The following XCR1 variants were observed in gnomAD, a reference collection of about 807,000 sequenced individuals.
The protein encoded by XCR1 is chemokine XC receptor 1.
For missense variants in XCR1, 356 were observed against 424.2 expected, an observed-to-expected ratio of 0.84 and a Z score of 1.41; for synonymous variants, 187 against 188.5, an observed-to-expected ratio of 0.99 and a Z score of 0.06.
intron 5 of XCR1, among the ~76,000 whole-genome samples, chr3:46,052,711 C>T (rs182194273): frequency 1.3e-5 from 2 of 152,326 alleles, no homozygotes; most frequent in East Asian, 3.9e-4. Context: ...TCTTTGTACA[C>T]CTCACCGGTG....
intron 5 of XCR1, among the ~76,000 whole-genome samples, chr3:46,043,983 G>T (rs562720392): frequency 1.1e-4 from 16 of 151,318 alleles, no homozygotes; most frequent in African/African-American, 2.4e-4. Context: ...CCCCATTGTG[G>T]TTTTTTTTGT....
At chr3:46,039,807 A>G (rs1004176154) in intron 5 of XCR1, among the ~76,000 whole-genome samples, 1 of 152,204 alleles carries the variant, frequency 6.6e-6, no homozygotes, top group Admixed American at 6.5e-5. Context: ...TAAGATTAGT[A>G]TAGAGTTTTT....
intron 4 of XCR1, among the ~76,000 whole-genome samples, chr3:46,054,545 A>ATG (rs1336293522): frequency 1.5e-5 from 2 of 137,926 alleles, no homozygotes; most frequent in African/African-American, 7.1e-5. Context: ...ACTCAAAAGG[A>ATG]CGAGGGGGGG....
intron 1 of XCR1, among the ~76,000 whole-genome samples, chr3:46,077,432 A>G (rs1205379823): frequency 6.6e-6 from 1 of 151,756 alleles, no homozygotes; most frequent in African/African-American, 2.4e-5. Flanking sequence ...AGATGGGACC[A>G]TCTAGTTGCA....
At chr3:46,067,967 A>T (rs1358094961) in intron 3 of XCR1, among the ~76,000 whole-genome samples, 1 of 152,224 alleles carries the variant, frequency 6.6e-6, no homozygotes, top group Non-Finnish European at 1.5e-5. Context: ...GTTAAGCTAT[A>T]GAATTTGAAA....
chr3:46,044,452 G>GT (rs1428907587), intron 5 of XCR1, among the ~76,000 whole-genome samples: 23 of 151,888 alleles, frequency 1.5e-4, no homozygotes, highest in Non-Finnish European at 1.0e-4. Context: ...AGTTGTAGCA[G>GT]TTTTTTTAAT....
At chr3:46,032,990 G>T (rs1300753356) in intron 5 of XCR1, among the ~76,000 whole-genome samples, 1 of 152,074 alleles carries the variant, frequency 6.6e-6, no homozygotes, top group Non-Finnish European at 1.5e-5. Flanking sequence ...TCTTATCATT[G>T]AGTTCTAAGA....
At chr3:46,050,403 G>A (rs756664564) in intron 5 of XCR1, among the ~76,000 whole-genome samples, 12 of 152,104 alleles carry the variant, frequency 7.9e-5, no homozygotes, top group African/African-American at 1.9e-4. Flanking sequence ...TTCTGAAGCC[G>A]TACACTCCTC....
intron 4 of XCR1, among the ~76,000 whole-genome samples, chr3:46,057,484 G>C (rs4683172): frequency 1.3e-5 from 2 of 152,020 alleles, no homozygotes; most frequent in African/African-American, 4.8e-5. Flanking sequence ...ACTTTAAATA[G>C]GTGCAGTTTA....
At chr3:46,052,204 AACT>A (rs1450845169) in intron 5 of XCR1, among the ~76,000 whole-genome samples, 1 of 152,042 alleles carries the variant, frequency 6.6e-6, no homozygotes, top group Non-Finnish European at 1.5e-5. Context: ...TGTCTCCCCC[AACT>A]AATGTAACCC....
chr3:46,048,640 A>T (rs1266145251), intron 5 of XCR1, among the ~76,000 whole-genome samples: 1 of 152,172 alleles, frequency 6.6e-6, no homozygotes, highest in Non-Finnish European at 1.5e-5. Flanking sequence ...AAACACAAGC[A>T]TATCCTCTTC....
intron 4 of XCR1, among the ~76,000 whole-genome samples, chr3:46,060,610 T>G (rs1228637564): frequency 6.6e-6 from 1 of 152,120 alleles, no homozygotes; most frequent in East Asian, 1.9e-4. Flanking sequence ...CCTTTGTAAC[T>G]AAGACCTGTA....
intron 5 of XCR1, among the ~76,000 whole-genome samples, chr3:46,044,453 T>C (rs79244570): frequency 1.3e-5 from 2 of 152,168 alleles, no homozygotes; most frequent in Non-Finnish European, 2.9e-5. Context: ...GTTGTAGCAG[T>C]TTTTTTAATA....
intron 3 of XCR1, among the ~76,000 whole-genome samples, chr3:46,072,766 C>T (rs1378090810): frequency 6.6e-6 from 1 of 152,044 alleles, no homozygotes; most frequent in East Asian, 1.9e-4. Flanking sequence ...GAATTAGAAA[C>T]AAATTCTAAA....
At position 46,049,139 on chromosome 3, in the gene XCR1, T is replaced by C. The variant is rs140023503; in HGVS notation, c.-32+4781A>G. Among the ~76,000 whole-genome samples, 708 of 152,292 alleles carry C rather than the reference T, an allele frequency of 4.6e-3. 2 individuals carry two copies. Among genetic ancestry groups the C allele is most frequent in the Non-Finnish European group, 8.1e-3 (550 of 68,012 alleles). ...ATGAAAATAAGTGTCTATAGTCACATGAACATAGCTTACCAAAGGTTGCTG... is the reference window on the plus strand; with the variant it reads ...ATGAAAATAAGTGTCTATAGTCACACGAACATAGCTTACCAAAGGTTGCTG... On this transcript the variant is annotated intron_variant, in intron 5 of 5. Coordinates refer to the XCR1 transcript ENST00000683768.
At chr3:46,040,952 A>C (rs1434834986) in intron 5 of XCR1, among the ~76,000 whole-genome samples, 1 of 152,142 alleles carries the variant, frequency 6.6e-6, no homozygotes, top group Non-Finnish European at 1.5e-5. Flanking sequence ...GGAGGACTAA[A>C]ATATTTTTTA....
chr3:46,046,297 C>T (rs1258302152), intron 5 of XCR1, among the ~76,000 whole-genome samples: 1 of 152,160 alleles, frequency 6.6e-6, no homozygotes, highest in African/African-American at 2.4e-5. Flanking sequence ...ACACAGCCCT[C>T]CATATTTATT....
intron 3 of XCR1, among the ~76,000 whole-genome samples, chr3:46,071,359 TG>T (rs1698161307): frequency 6.6e-6 from 1 of 151,990 alleles, no homozygotes; most frequent in Admixed American, 6.6e-5. Context: ...CAGCACCAGA[TG>T]GATTCACAGA....
chr3:46,074,955 A>G (rs146647407), intron 2 of XCR1, among the ~76,000 whole-genome samples: 1 of 152,322 alleles, frequency 6.6e-6, no homozygotes, highest in African/African-American at 2.4e-5. Flanking sequence ...ATAGCCCTGT[A>G]ACTACTAAGG....
Sources: gnomAD v4.1 joint callset for allele counts (sites outside exome capture counted in the v4.1 genomes callset) on GRCh38, gnomAD v4.1.1 for gene constraint, MANE v1.5 for transcripts, NCBI Gene and HGNC (gene_info 2026-07-23, HGNC 2026-07-21) for gene names.